Variants in PINX1 observed in about 807,000 individuals in gnomAD.
PINX1 encodes the protein PIN2/TERF1-interacting telomerase inhibitor 1.
A neutral mutation model predicts 25.4 loss-of-function variants in PINX1; 34 were observed. The observed-to-expected ratio is 1.34, with a 90% CI of 1.02 to 1.78. The LOEUF is 1.78. Ranked by LOEUF, PINX1 falls within the 40% of genes most tolerant of loss-of-function variation. The pLI is 0.00. For synonymous variants in PINX1, 197 were observed against 147.7 expected (o/e 1.33, Z -2.42); for missense variants, 592 against 404.9 (o/e 1.46, Z -3.97).
rs114210504 is a variant in PINX1, at chr8:10,797,332, G to A, written c.471+22861C>T. ...CCCTCAAATACAAGGCATTACTGTT[G>A]TTAGTAAGCCACTGACTGTGTGACA... On this transcript the variant is annotated intron_variant, in intron 6 of 6. Transcript: ENST00000314787. Among the ~76,000 whole-genome samples the A allele has an allele frequency of 2.0e-3, 307 of 152,306 alleles. 1 individual carries two copies. Among genetic ancestry groups the A allele is most frequent in the African/African-American group, 7.2e-3 (300 of 41,570 alleles).
intron 6 of PINX1, among the ~76,000 whole-genome samples, chr8:10,807,881 T>C (rs995397744): frequency 6.6e-6 from 1 of 152,126 alleles, no homozygotes; most frequent in East Asian, 1.9e-4. Context: ...CACCTAGTCC[T>C]GAGGGAGCCG....
chr8:10,829,093 C>T (rs1198210128), intron 4 of PINX1, among the ~76,000 whole-genome samples: 6 of 152,206 alleles, frequency 3.9e-5, no homozygotes, highest in African/African-American at 1.4e-4. Flanking sequence ...GGAGACCAGC[C>T]TGACCAACAT....
chr8:10,774,569 C>T (rs1801329539), intron 6 of PINX1, among the ~76,000 whole-genome samples: 2 of 152,120 alleles, frequency 1.3e-5, no homozygotes, highest in Admixed American at 1.3e-4. Context: ...GCGTGAGCCA[C>T]CGTGCCCAGC....
chr8:10,825,559 T>G, intron 5 of PINX1: 1 of 476,484 alleles, frequency 2.1e-6, no homozygotes, highest in South Asian at 1.5e-5. Context: ...TTTCACATAC[T>G]GGGAAGGGGC....
At chr8:10,817,408 G>A (rs1204051454) in intron 6 of PINX1, among the ~76,000 whole-genome samples, 1 of 152,198 alleles carries the variant, frequency 6.6e-6, no homozygotes, top group Non-Finnish European at 1.5e-5. Context: ...TATAAGGGCT[G>A]TTGTAACTAA....
intron 4 of PINX1, among the ~76,000 whole-genome samples, chr8:10,828,767 C>CG (rs1798132597): frequency 6.6e-6 from 1 of 152,258 alleles, no homozygotes; most frequent in Non-Finnish European, 1.5e-5. Context: ...CGTCCTTTCC[C>CG]GGGTATCCCC....
chr8:10,809,756 C>T (rs1172250696), intron 6 of PINX1, among the ~76,000 whole-genome samples: 3 of 152,238 alleles, frequency 2.0e-5, no homozygotes, highest in Non-Finnish European at 4.4e-5. Context: ...CTAAGGAGCT[C>T]GTCTTTGCTA....
At chr8:10,782,704 TCAACCTGGG>T (rs1229955436) in intron 6 of PINX1, among the ~76,000 whole-genome samples, 2 of 152,080 alleles carry the variant, frequency 1.3e-5, no homozygotes, top group African/African-American at 4.8e-5. Flanking sequence ...CCACTACCCT[TCAACCTGGG>T]CAACAAAGTG....
At chr8:10,807,060 C>A (rs1413747631) in intron 6 of PINX1, among the ~76,000 whole-genome samples, 1 of 152,064 alleles carries the variant, frequency 6.6e-6, no homozygotes, top group Admixed American at 6.5e-5. Flanking sequence ...TGGGGGAAAT[C>A]CTCCCTCATG....
intron 6 of PINX1, 107 bp downstream of exon 6, chr8:10,820,086 G>C: frequency 1.3e-6 from 1 of 743,624 alleles, no homozygotes; most frequent in Non-Finnish European, 2.4e-6. Context: ...AAAGTGTTTT[G>C]GAAAGTTTGT....
At chr8:10,809,138 A>G (rs1020057260) in intron 6 of PINX1, among the ~76,000 whole-genome samples, 3 of 152,254 alleles carry the variant, frequency 2.0e-5, no homozygotes, top group African/African-American at 7.2e-5. Flanking sequence ...GCGACACATT[A>G]AAGCCAACTC....
rs913167059 is a variant in PINX1, at chr8:10,765,785, G to C, written c.603C>G (p.Asp201Glu). ...TACGTTCCACCTGCGTCTCAGAAAT[G>C]TCAGACCCTGGAACTGGAACCTGGG... ...NKPQVPVPGSDISETQVERKR... is the reference protein window; with the variant it reads ...NKPQVPVPGSEISETQVERKR... The change falls in exon 7 of 7, where the codon GAC becomes GAG. Residue 201 changes from aspartate to glutamate, a missense_variant. Asp to Glu is a conservative substitution (Grantham distance 45). Coordinates refer to ENST00000314787, the MANE Select transcript of PINX1 (RefSeq NM_017884.6). 2 of 1,613,902 alleles carry C rather than the reference G, an allele frequency of 1.2e-6. No homozygotes were observed. Among genetic ancestry groups the C allele is most frequent in the Non-Finnish European group, 1.7e-6 (2 of 1,179,896 alleles).
intron 6 of PINX1, among the ~76,000 whole-genome samples, chr8:10,815,850 C>A (rs1451179604): frequency 9.9e-5 from 15 of 152,154 alleles, no homozygotes; most frequent in Admixed American, 9.8e-4. Context: ...AAGGAGTTCT[C>A]TAAAGACTCA....
chr8:10,839,713 T>G (rs763914931), intron 1 of PINX1, 25 bp downstream of exon 1: 34 of 1,598,654 alleles, frequency 2.1e-5, no homozygotes, highest in Non-Finnish European at 2.8e-5. Context: ...CGCGCCTGGG[T>G]CGGGCCTCCG....
chr8:10,838,448 A>G (rs1319379565), intron 1 of PINX1, among the ~76,000 whole-genome samples: 2 of 152,242 alleles, frequency 1.3e-5, no homozygotes, highest in Admixed American at 1.3e-4. Flanking sequence ...CAGACTTTTC[A>G]AACTATGTTC....
intron 6 of PINX1, among the ~76,000 whole-genome samples, chr8:10,815,780 A>C (rs1797678237): frequency 6.6e-6 from 1 of 152,236 alleles, no homozygotes. Flanking sequence ...TGAAGTTATT[A>C]AGTAAATGAT....
intron 1 of PINX1, among the ~76,000 whole-genome samples, chr8:10,835,196 A>G (rs1343905088): frequency 6.6e-6 from 1 of 152,204 alleles, no homozygotes; most frequent in Non-Finnish European, 1.5e-5. Flanking sequence ...ATGCAATACC[A>G]AGGATGCGCT....
In PINX1 at chr8:10,803,024, T is replaced by A. The variant is rs879817314; in HGVS notation, c.471+17169A>T. On this transcript the variant is annotated intron_variant, in intron 6 of 6. Transcript: ENST00000314787. ...TGTGAACTTCAATGTCACACAAAAT[T>A]AAACCATTCTGTGGTGGGACTAAAT... Among the ~76,000 whole-genome samples the A allele has an allele frequency of 3.0e-4, 46 of 152,124 alleles. 1 individual carries two copies. Among genetic ancestry groups the A allele is most frequent in the Non-Finnish European group, 1.5e-4 (10 of 68,030 alleles).
At chr8:10,791,957 C>G (rs1801936541) in intron 6 of PINX1, among the ~76,000 whole-genome samples, 1 of 152,192 alleles carries the variant, frequency 6.6e-6, no homozygotes, top group African/African-American at 2.4e-5. Context: ...AGTCTCTCCA[C>G]AGAGGTGCCA....
Sources: gnomAD v4.1 joint callset for allele counts (sites outside exome capture counted in the v4.1 genomes callset) on GRCh38, gnomAD v4.1.1 for gene constraint, MANE v1.5 for transcripts, NCBI Gene and HGNC (gene_info 2026-07-23, HGNC 2026-07-21) for gene names.